The following ADCY8 variants were observed in gnomAD, a reference collection of about 807,000 sequenced individuals.
The protein encoded by ADCY8 is adenylate cyclase type 8.
A neutral mutation model predicts 119.7 loss-of-function variants in ADCY8; 51 were observed. That is an observed-to-expected ratio of 0.43 (90% CI 0.34 to 0.54). ADCY8 has a LOEUF of 0.54. Among genes scored for constraint, ADCY8 ranks in the 20% least tolerant of loss-of-function variants. The probability of loss-of-function intolerance (pLI) is 0.03; values close to 1 mark genes in which losing one functional copy is unlikely to be tolerated. For synonymous variants in ADCY8, 665 were observed against 651.0 expected (o/e 1.02, Z -0.33); for missense variants, 1,383 against 1,598.8 (o/e 0.87, Z 2.30).
intron 10 of ADCY8, 79 bp downstream of exon 10, chr8:130,849,523 C>A (rs955450443): frequency 6.9e-7 from 1 of 1,443,998 alleles, no homozygotes; most frequent in East Asian, 2.3e-5. Context: ...AAGGGTAATG[C>A]AGGAAGCTGC....
rs116809941 is a variant in ADCY8 at position 131,028,988 on chromosome 8, G to A, written c.960+10386C>T. ...CAGTGTGCTTGCACAGCAGGTTGTG[G>A]GTTGCACAGCAGCAAGTGAGAGGCA... On this transcript the variant is annotated intron_variant, in intron 1 of 17. Transcript: ENST00000286355. Among the ~76,000 whole-genome samples the A allele has an allele frequency of 3.8e-3, 582 of 152,280 alleles. 3 individuals carry two copies. The highest frequency in any genetic ancestry group is 0.014 in the African/African-American group (563 of 41,558).
At chr8:131,020,387 G>A (rs1260399510) in intron 1 of ADCY8, among the ~76,000 whole-genome samples, 2 of 152,166 alleles carry the variant, frequency 1.3e-5, no homozygotes. Context: ...CATTCAGCAG[G>A]CAAACTTGCA....
intron 8 of ADCY8, among the ~76,000 whole-genome samples, chr8:130,882,649 T>A (rs1304907421): frequency 2.6e-5 from 4 of 152,312 alleles, no homozygotes; most frequent in Non-Finnish European, 4.4e-5. Flanking sequence ...AGTTTCTCCA[T>A]GTCACGTTTC....
intron 12 of ADCY8, among the ~76,000 whole-genome samples, chr8:130,833,612 A>G (rs893367324): frequency 6.6e-6 from 1 of 152,188 alleles, no homozygotes; most frequent in Non-Finnish European, 1.5e-5. Flanking sequence ...CCAGGCTAGA[A>G]TCTGGATCTG....
chr8:130,826,598 T>TA (rs2130224500), intron 12 of ADCY8, among the ~76,000 whole-genome samples: 1 of 152,264 alleles, frequency 6.6e-6, no homozygotes, highest in East Asian at 1.9e-4. Flanking sequence ...ACATTTTATG[T>TA]CTGAAATGCC....
At chr8:130,869,955 T>TCTTCTTCCTTCTTC (rs1554610093) in intron 8 of ADCY8, among the ~76,000 whole-genome samples, 3 of 116,068 alleles carry the variant, frequency 2.6e-5, no homozygotes, top group Non-Finnish European at 5.3e-5. Flanking sequence ...TTCTTCTTCT[T>TCTTCTTCCTTCTTC]CTTCTTCCTT....
At chr8:130,979,304 G>A (rs1324380906) in intron 2 of ADCY8, among the ~76,000 whole-genome samples, 3 of 152,148 alleles carry the variant, frequency 2.0e-5, no homozygotes, top group African/African-American at 7.2e-5. Context: ...TTTAGTGTGT[G>A]TTGAACTATA....
rs78305037 is a variant in ADCY8 at position 130,882,242 on chromosome 8, C to T, written c.2109+2322G>A. Among the ~76,000 whole-genome samples, 972 of 151,918 alleles carry T rather than the reference C, an allele frequency of 6.4e-3. 9 individuals carry two copies. Among genetic ancestry groups the T allele is most frequent in the African/African-American group, 0.022 (929 of 41,374 alleles). On this transcript the variant is annotated intron_variant, in intron 8 of 17. Coordinates refer to ENST00000286355, the MANE Select transcript of ADCY8 (RefSeq NM_001115.3). ...TTGAGATCTAAGATCTCCACTTAACCTCTTGGAGGTTCAGTTTTCTCTTTT... is the reference window on the plus strand; with the variant it reads ...TTGAGATCTAAGATCTCCACTTAACTTCTTGGAGGTTCAGTTTTCTCTTTT...
chr8:131,002,813 A>G (rs78245504), intron 1 of ADCY8, among the ~76,000 whole-genome samples: 1 of 145,960 alleles, frequency 6.9e-6, no homozygotes, highest in African/African-American at 2.4e-5. Flanking sequence ...TAAGAAGGGG[A>G]AAAAAACAGT....
chr8:131,012,744 C>T (rs780030112), intron 1 of ADCY8, among the ~76,000 whole-genome samples: 4 of 152,190 alleles, frequency 2.6e-5, no homozygotes, highest in Non-Finnish European at 4.4e-5. Context: ...CATAATGGAA[C>T]TCAGAACATC....
intron 9 of ADCY8, among the ~76,000 whole-genome samples, chr8:130,854,453 G>T (rs1817640518): frequency 6.6e-6 from 1 of 152,208 alleles, no homozygotes. Context: ...GCCTATAGCA[G>T]CTTGTGGTGC....
chr8:130,825,944 G>C (rs1816656212), intron 12 of ADCY8, among the ~76,000 whole-genome samples: 1 of 152,084 alleles, frequency 6.6e-6, no homozygotes, highest in African/African-American at 2.4e-5. Context: ...AAATTATCCT[G>C]GAGGACTACT....
chr8:130,988,108 A>T (rs1822459714), intron 2 of ADCY8, among the ~76,000 whole-genome samples: 1 of 152,238 alleles, frequency 6.6e-6, no homozygotes, highest in African/African-American at 2.4e-5. Context: ...TCACTAAAAT[A>T]GTAAGTAAGT....
intron 8 of ADCY8, among the ~76,000 whole-genome samples, chr8:130,880,828 C>T (rs186656467): frequency 6.6e-6 from 1 of 152,288 alleles, no homozygotes; most frequent in African/African-American, 2.4e-5. Context: ...TACTACTCTC[C>T]TGGGCAAACC....
intron 1 of ADCY8, among the ~76,000 whole-genome samples, chr8:131,017,072 ATT>A (rs111610879): frequency 9.2e-5 from 13 of 141,800 alleles, no homozygotes; most frequent in Admixed American, 2.1e-4. Context: ...AATGTACATG[ATT>A]TTTTTTTTTT....
intron 17 of ADCY8, among the ~76,000 whole-genome samples, chr8:130,781,188 A>T (rs904452271): frequency 6.6e-6 from 1 of 152,242 alleles, no homozygotes; most frequent in Non-Finnish European, 1.5e-5. Flanking sequence ...TATTATTGTC[A>T]TATGAGCACT....
intron 9 of ADCY8, among the ~76,000 whole-genome samples, chr8:130,860,621 CTTAA>C (rs923146701): frequency 2.0e-5 from 3 of 152,024 alleles, no homozygotes; most frequent in African/African-American, 4.8e-5. Context: ...TACCCAATTT[CTTAA>C]TTTATTTTTT....
intron 2 of ADCY8, among the ~76,000 whole-genome samples, chr8:130,953,527 T>C (rs1821337456): frequency 6.6e-6 from 1 of 152,192 alleles, no homozygotes; most frequent in Non-Finnish European, 1.5e-5. Flanking sequence ...GTCCTTTCCC[T>C]TGTTATTCCT....
chr8:130,908,091 T>C (rs1321107803), intron 6 of ADCY8, among the ~76,000 whole-genome samples: 1 of 152,186 alleles, frequency 6.6e-6, no homozygotes, highest in African/African-American at 2.4e-5. Flanking sequence ...TTTTATGGCT[T>C]TGTAGTATTG....
Sources: allele counts gnomAD v4.1 joint callset (sites outside exome capture counted in the v4.1 genomes callset), GRCh38; gene constraint gnomAD v4.1.1; transcripts MANE v1.5; gene names NCBI Gene and HGNC (gene_info 2026-07-23, HGNC 2026-07-21).